The following CYB5R4 variants were observed in gnomAD, a reference collection of about 807,000 sequenced individuals.
The protein encoded by CYB5R4 is cytochrome b5 reductase 4.
Under a neutral mutation model 70.2 loss-of-function variants are expected in CYB5R4, and 55 were observed. The ratio of observed to expected loss-of-function variants is 0.78; its 90% CI spans 0.63 to 0.98. CYB5R4 has a LOEUF of 0.98. CYB5R4 is among the 50% of genes least tolerant of loss of function. CYB5R4 has a pLI of 0.00. For synonymous variants in CYB5R4, 197 were observed against 199.5 expected (o/e 0.99, Z 0.11); for missense variants, 562 against 612.6 (o/e 0.92, Z 0.87).
At chr6:83,935,958 C>T (rs61756897) in intron 11 of CYB5R4, among the ~76,000 whole-genome samples, 1,728 of 151,754 alleles carry the variant, frequency 0.011, 26 homozygotes, top group African/African-American at 0.038. Flanking sequence ...AAATTATTAC[C>T]ATATATTTCT....
chr6:83,940,050 G>A lies in CYB5R4; in HGVS notation c.1109-6G>A, dbSNP rs766461297. On this transcript the variant is annotated splice_region_variant and splice_polypyrimidine_tract_variant and intron_variant, in intron 12 of 15. Coordinates refer to ENST00000369681, the MANE Select transcript of CYB5R4 (RefSeq NM_016230.4). ...TTTCTGATTTAGCTTATGTTTCATT[G>A]TTTAGGAGATTTTGTTTCTGTAAGC... 3 of 1,464,560 alleles carry A rather than the reference G, an allele frequency of 2.0e-6. No homozygotes were observed. The highest frequency in any genetic ancestry group is 2.8e-6 in the Non-Finnish European group (3 of 1,077,844). 90.7% of individuals were successfully genotyped at this position (1,464,560 alleles called of 1,614,324 possible).
chr6:83,958,045 G>A (rs1358660123), intron 15 of CYB5R4, among the ~76,000 whole-genome samples: 2 of 152,136 alleles, frequency 1.3e-5, no homozygotes, highest in African/African-American at 2.4e-5. Context: ...TTAATCTCAT[G>A]TCTGCTACAT....
intron 3 of CYB5R4, among the ~76,000 whole-genome samples, chr6:83,904,470 C>T (rs1028983204): frequency 1.3e-5 from 2 of 151,936 alleles, no homozygotes; most frequent in African/African-American, 2.4e-5. Context: ...TCATGGACAA[C>T]GTTATATGTG....
intron 14 of CYB5R4, among the ~76,000 whole-genome samples, chr6:83,947,822 A>T (rs13217863): frequency 0.042 from 6,469 of 152,306 alleles, 141 homozygotes; most frequent in Middle Eastern, 0.048. Flanking sequence ...CCACAATGAG[A>T]TACCATCTCA....
chr6:83,870,223 A>G (rs1315920164), intron 2 of CYB5R4, among the ~76,000 whole-genome samples: 1 of 152,214 alleles, frequency 6.6e-6, no homozygotes, highest in Non-Finnish European at 1.5e-5. Flanking sequence ...TGTTTGCAGC[A>G]TACAGGAACC....
At chr6:83,955,527 A>G (rs1353194904) in intron 15 of CYB5R4, 65 bp downstream of exon 15, 2 of 1,424,134 alleles carry the variant, frequency 1.4e-6, no homozygotes, top group Non-Finnish European at 1.9e-6. Flanking sequence ...CATAACAAGC[A>G]TCTCTCAGTT....
At chr6:83,958,237 C>T (rs1000869094) in intron 15 of CYB5R4, among the ~76,000 whole-genome samples, 2 of 152,106 alleles carry the variant, frequency 1.3e-5, no homozygotes, top group Admixed American at 6.6e-5. Context: ...TACTTTATTA[C>T]AGAGGTTAGT....
chr6:83,902,121 A>G (rs922808781), intron 3 of CYB5R4, among the ~76,000 whole-genome samples: 1 of 151,912 alleles, frequency 6.6e-6, no homozygotes, highest in Non-Finnish European at 1.5e-5. Flanking sequence ...GTGTTTTTCC[A>G]GTGTTTTCTT....
At chr6:83,863,104 G>C (rs1349740899) in intron 1 of CYB5R4, among the ~76,000 whole-genome samples, 2 of 152,172 alleles carry the variant, frequency 1.3e-5, no homozygotes, top group African/African-American at 4.8e-5. Context: ...TCTGGTCAAA[G>C]TACTAATAAT....
intron 10 of CYB5R4, among the ~76,000 whole-genome samples, chr6:83,926,685 T>C (rs938102018): frequency 2.0e-5 from 3 of 152,188 alleles, no homozygotes; most frequent in African/African-American, 7.2e-5. Context: ...CACAATTCAG[T>C]CTATAGCATA....
intron 8 of CYB5R4, among the ~76,000 whole-genome samples, chr6:83,921,705 C>T (rs949790491): frequency 6.6e-6 from 1 of 152,230 alleles, no homozygotes; most frequent in African/African-American, 2.4e-5. Context: ...CCTACACTAG[C>T]ATACATATTT....
At chr6:83,933,416 T>C (rs1455520989) in intron 10 of CYB5R4, among the ~76,000 whole-genome samples, 1 of 152,240 alleles carries the variant, frequency 6.6e-6, no homozygotes, top group Non-Finnish European at 1.5e-5. Context: ...CTTAGGATTA[T>C]AGGTGAATTT....
chr6:83,879,781 G>A (rs542884193), intron 2 of CYB5R4, among the ~76,000 whole-genome samples: 1 of 152,266 alleles, frequency 6.6e-6, no homozygotes, highest in East Asian at 1.9e-4. Flanking sequence ...GGCAAGTGGG[G>A]ACAGAATCCC....
At chr6:83,936,504 C>A in intron 12 of CYB5R4, 128 bp downstream of exon 12, 1 of 760,474 alleles carries the variant, frequency 1.3e-6, no homozygotes, top group Non-Finnish European at 2.1e-6. Context: ...AAGTTATCTT[C>A]TCCTTGTCCT....
chr6:83,904,500 A>T (rs931064185), intron 3 of CYB5R4, among the ~76,000 whole-genome samples: 1 of 152,182 alleles, frequency 6.6e-6, no homozygotes, highest in Admixed American at 6.5e-5. Context: ...AAAAATGTGT[A>T]TTCTGCAATC....
chr6:83,940,417 C>A, intron 13 of CYB5R4, 98 bp from the exon 14 acceptor site: 1 of 1,164,380 alleles, frequency 8.6e-7, no homozygotes, highest in Non-Finnish European at 1.2e-6. Flanking sequence ...ACCTACTGGG[C>A]ACTAAAACAT....
At chr6:83,882,747 G>A (rs1279838183) in intron 2 of CYB5R4, among the ~76,000 whole-genome samples, 1 of 152,148 alleles carries the variant, frequency 6.6e-6, no homozygotes, top group Non-Finnish European at 1.5e-5. Context: ...CAGCAGTATG[G>A]GAGCCCGAGG....
At chr6:83,946,129 A>G (rs2099470573) in intron 14 of CYB5R4, among the ~76,000 whole-genome samples, 1 of 152,180 alleles carries the variant, frequency 6.6e-6, no homozygotes, top group Admixed American at 6.5e-5. Context: ...AAAAAAGAAA[A>G]TTTCAGGCCA....
chr6:83,954,079 G>C (rs533689549), intron 14 of CYB5R4, among the ~76,000 whole-genome samples: 26 of 151,812 alleles, frequency 1.7e-4, no homozygotes, highest in Non-Finnish European at 2.8e-4. Flanking sequence ...GATGTTTACT[G>C]TGTGCCCCCC....
Sources: gnomAD v4.1 joint callset for allele counts (sites outside exome capture counted in the v4.1 genomes callset) on GRCh38, gnomAD v4.1.1 for gene constraint, MANE v1.5 for transcripts, NCBI Gene and HGNC (gene_info 2026-07-23, HGNC 2026-07-21) for gene names.